RUVBL1: variants seen among roughly 807,000 people sequenced by gnomAD.
RUVBL1 encodes the protein RuvB like AAA ATPase 1.
Under a neutral mutation model 52.4 loss-of-function variants are expected in RUVBL1, and 4 were observed. The observed-to-expected ratio is 0.08, with a 90% CI of 0.04 to 0.17. The LOEUF is 0.17. Among genes scored for constraint, RUVBL1 ranks in the 10% least tolerant of loss-of-function variants. The pLI is 1.00. For synonymous variants in RUVBL1, 217 were observed against 214.4 expected (o/e 1.01, Z -0.10); for missense variants, 298 against 572.8 (o/e 0.52, Z 4.90).
At chr3:128,141,866 C>T (rs1944027017) in intron 1 of RUVBL1, 1 of 152,212 alleles carries the variant, frequency 6.6e-6, no homozygotes, top group Admixed American at 6.5e-5. Context: ...TGCTTTTCCC[C>T]CTTCATGATT....
intron 8 of RUVBL1, among the ~76,000 whole-genome samples, chr3:128,089,205 A>T (rs552068138): frequency 5.1e-4 from 77 of 152,268 alleles, no homozygotes; most frequent in Non-Finnish European, 9.7e-4. Context: ...TCTTTTGCCT[A>T]TTTTTCTCTT....
At chr3:128,128,463 T>C (rs1352940278), upstream of RUVBL1, among the ~76,000 whole-genome samples, 1 of 152,214 alleles carries the variant, frequency 6.6e-6, no homozygotes, top group Non-Finnish European at 1.5e-5. Flanking sequence ...ATGATGTGGC[T>C]CTGCCACTCC....
intron 3 of RUVBL1, among the ~76,000 whole-genome samples, chr3:128,112,337 T>C (rs575127662): frequency 2.0e-5 from 3 of 152,368 alleles, no homozygotes; most frequent in African/African-American, 7.2e-5. Context: ...GAAATGTAGA[T>C]TGATAATCTC....
At chr3:128,075,405 G>A (rs11709060) in intron 9 of RUVBL1, among the ~76,000 whole-genome samples, 4,570 of 152,306 alleles carry the variant, frequency 0.03, 95 homozygotes, top group Non-Finnish European at 0.045. Flanking sequence ...GGAGGCAGGG[G>A]GCAGGTGTCG....
intron 3 of RUVBL1, among the ~76,000 whole-genome samples, chr3:128,105,865 C>CTTTTT (rs11311563): frequency 4.2e-3 from 373 of 88,460 alleles, no homozygotes; most frequent in Non-Finnish European, 5.6e-3. Context: ...TTCCCTTTTT[C>CTTTTT]TTTTTTTTTT....
chr3:128,150,907 A>ATTCTATATATTATATATATAAT (rs1559841629), intron 1 of RUVBL1, among the ~76,000 whole-genome samples: 42 of 72,548 alleles, frequency 5.8e-4, no homozygotes, highest in African/African-American at 2.3e-3. Context: ...TATATAATAT[A>ATTCTATATATTATATATATAAT]ATATTCTATA....
At position 128,080,991 on chromosome 3, in the gene RUVBL1, TTAGA is replaced by T. The variant is rs1180845761; in HGVS notation, c.*255_*258del. 2.2e-5 allele frequency: 9 copies of T among 400,376 alleles called. No individual in the cohort carries two copies. Among genetic ancestry groups the T allele is most frequent in the Non-Finnish European group, 3.6e-5 (8 of 225,080 alleles). 24.8% of individuals were successfully genotyped at this position (400,376 alleles called of 1,614,324 possible). On this transcript the variant is annotated 3_prime_UTR_variant, in exon 11 of 11. Transcript: ENST00000322623. Reference sequence around the variant, plus strand: ...TCTGAAAAGTTTATTTTTAAAAAACTTAGAGAGAGAGAGAGAGAGAATCAAAATA... The same window carrying T: ...TCTGAAAAGTTTATTTTTAAAAAACTGAGAGAGAGAGAGAGAATCAAAATA...
chr3:128,092,567 ACAATATACAAATGGC>A (rs1324497787), intron 8 of RUVBL1, among the ~76,000 whole-genome samples: 4 of 152,202 alleles, frequency 2.6e-5, no homozygotes, highest in Non-Finnish European at 4.4e-5. Flanking sequence ...TTCTCCAAAG[ACAATATACAAATGGC>A]CAATAAGCAC....
intron 1 of RUVBL1, among the ~76,000 whole-genome samples, chr3:128,119,627 C>T (rs1943599201): frequency 6.6e-6 from 1 of 152,180 alleles, no homozygotes; most frequent in South Asian, 2.1e-4. Context: ...GGGATACAAA[C>T]ATACAAACAT....
intron 6 of RUVBL1, among the ~76,000 whole-genome samples, chr3:128,099,355 T>C (rs1943062512): frequency 6.6e-6 from 1 of 152,238 alleles, no homozygotes; most frequent in Non-Finnish European, 1.5e-5. Flanking sequence ...TCACGTCAAA[T>C]GCCCTCTAGG....
intron 8 of RUVBL1, among the ~76,000 whole-genome samples, chr3:128,091,302 C>CG (rs143644091): frequency 0.29 from 19,500 of 66,312 alleles, 1,454 homozygotes; most frequent in African/African-American, 0.37. Context: ...GCTGGGGGAA[C>CG]GGGGGGTGGG....
At chr3:128,143,001 G>A (rs190252765) in intron 1 of RUVBL1, among the ~76,000 whole-genome samples, 4 of 151,384 alleles carry the variant, frequency 2.6e-5, no homozygotes, top group Admixed American at 2.6e-4. Flanking sequence ...GGCTGGTCTC[G>A]AACTCCTGAC....
chr3:128,123,392 C>G (rs1256455521), intron 1 of RUVBL1, among the ~76,000 whole-genome samples, 192 bp downstream of exon 1: 1 of 152,166 alleles, frequency 6.6e-6, no homozygotes, highest in East Asian at 1.9e-4. Context: ...CACTAGGTAT[C>G]CTGGGGCGGC....
chr3:128,095,608 G>C (rs1002201298), intron 8 of RUVBL1, among the ~76,000 whole-genome samples: 1 of 152,210 alleles, frequency 6.6e-6, no homozygotes, highest in African/African-American at 2.4e-5. Flanking sequence ...CTTGAATCAC[G>C]CATTCGATTC....
intron 2 of RUVBL1, among the ~76,000 whole-genome samples, chr3:128,118,091 T>G (rs149967806): frequency 1.1e-4 from 17 of 152,294 alleles, no homozygotes; most frequent in African/African-American, 3.8e-4. Context: ...AATTTCTAAA[T>G]TATTTACTTT....
In RUVBL1 at chr3:128,065,137, T is replaced by C. The variant is rs770444500; in HGVS notation, c.*75A>G. The C allele has an allele frequency of 3.9e-6, 5 of 1,268,112 alleles. No individual in the cohort carries two copies. In the South Asian group the frequency reaches 4.8e-5, roughly 12 times the overall value. The allele number at this position is 1,268,112 out of a possible 1,614,324, so 78.6% of individuals were successfully genotyped here. A position where few individuals can be genotyped will look rare whatever the true frequency, so the allele number is the denominator to read the frequency against. ...CACTCTGTGGGGTGCACTGTCATCA[T>C]ATTGTGTTGAAACGATGAGATGGTA... On this transcript the variant is annotated 3_prime_UTR_variant, in exon 10 of 10. Transcript: ENST00000464873.
At chr3:128,129,359 G>A (rs1943841859) in intron 1 of RUVBL1, among the ~76,000 whole-genome samples, 1 of 152,160 alleles carries the variant, frequency 6.6e-6, no homozygotes, top group Non-Finnish European at 1.5e-5. Context: ...ACTTTGAAAT[G>A]AATGACAACA....
rs74269418 is a variant in RUVBL1, at chr3:128,108,699, T to TAA, written c.362-3777_362-3776dup. Among the ~76,000 whole-genome samples the TAA allele has an allele frequency of 1.4e-3, 205 of 143,548 alleles. 1 individual carries two copies. Among genetic ancestry groups the TAA allele is most frequent in the African/African-American group, 4.6e-3 (181 of 39,416 alleles). The allele number at this position is 143,548 out of a possible 152,430, so 94.2% of individuals were successfully genotyped here. A position where few individuals can be genotyped will look rare whatever the true frequency, so the allele number is the denominator to read the frequency against. The stretch of plus-strand genomic sequence containing the variant: ...CGACAGTGTGACACCTTGTCTCAAT[T>TAA]AAAAAAAAAAAAAGTACTCAGACAT... On this transcript the variant is annotated intron_variant, in intron 3 of 10. Transcript: ENST00000322623.
chr3:128,084,082 AAAAGAAAG>A (rs758191407), intron 9 of RUVBL1: 2 of 153,132 alleles, frequency 1.3e-5, no homozygotes, highest in African/African-American at 2.4e-5. Context: ...CCATCTCAAA[AAAAGAAAG>A]AAAGAAAGAA....
Sources: allele counts gnomAD v4.1 joint callset (sites outside exome capture counted in the v4.1 genomes callset), GRCh38; gene constraint gnomAD v4.1.1; transcripts MANE v1.5; gene names NCBI Gene and HGNC (gene_info 2026-07-23, HGNC 2026-07-21).